Variants in PLD2 observed in about 807,000 individuals in gnomAD.
The protein encoded by PLD2 is phospholipase D2, also known as choline phosphatase 2.
PLD2 carries 101 observed loss-of-function variants against 119.8 expected under a neutral mutation model. That is an observed-to-expected ratio of 0.84 (90% confidence interval 0.72 to 0.99). The LOEUF (loss-of-function observed/expected upper bound fraction) is 0.99, where lower values mean the gene tolerates loss of function less well. Among genes scored for constraint, PLD2 ranks in the 50% least tolerant of loss-of-function variants. PLD2 has a pLI of 0.00. For synonymous variants in PLD2, 494 were observed against 482.8 expected, an observed-to-expected ratio of 1.02 and a Z score of -0.30; for missense variants, 1,164 against 1,226.8, an observed-to-expected ratio of 0.95 and a Z score of 0.76.
chr17:4,808,196 G>A lies in PLD2; in HGVS notation c.241-78G>A. 3.1e-6 allele frequency: 5 copies of A among 1,592,852 alleles called. No individual in the cohort carries two copies. Among genetic ancestry groups the A allele is most frequent in the Non-Finnish European group, 4.3e-6 (5 of 1,166,224 alleles). ...GGTGGCTGGGCTGGCCCCAGGGAAG[G>A]GGCAAAAGGAGGGCTGGCCAGAGTG... On this transcript the variant is annotated intron_variant, in intron 3 of 24. Coordinates refer to ENST00000263088, the MANE Select transcript of PLD2 (RefSeq NM_002663.5). This position sits in a 1 kb window ranked among gnomAD's most constrained non-coding sequence, Gnocchi z 4.1.
At position 4,811,030 on chromosome 17, in the gene PLD2, CT is replaced by C. The variant is rs1163616507; in HGVS notation, c.1010+83del. On this transcript the variant is annotated intron_variant, in intron 10 of 24. Coordinates refer to ENST00000263088, the MANE Select transcript of PLD2 (RefSeq NM_002663.5). ...GTAATCTCTGAGTCCTTCATCCTCT[CT>C]TTTCTCATCTGAACCCTCCTGACCT... 3 of 1,401,984 alleles carry C rather than the reference CT, an allele frequency of 2.1e-6. No homozygotes were observed. The East Asian group carries it at 7.0e-5, about 33-fold the overall frequency. 86.8% of individuals were successfully genotyped at this position (1,401,984 alleles called of 1,614,324 possible). A position where few individuals can be genotyped will look rare whatever the true frequency, so the allele number is the denominator to read the frequency against.
intron 20 of PLD2, 45 bp downstream of exon 20, chr17:4,818,652 C>T (rs759128808): frequency 2.5e-5 from 39 of 1,552,772 alleles, no homozygotes; most frequent in Non-Finnish European, 3.2e-5. Context: ...CCCATCCCAC[C>T]CGTGTCCCCC....
intron 10 of PLD2, 74 bp downstream of exon 10, chr17:4,811,025 CCT>C (rs1906409825): frequency 1.4e-6 from 2 of 1,440,794 alleles, no homozygotes; most frequent in South Asian, 1.3e-5. Context: ...AGTCCTTCAT[CCT>C]CTCTTTTCTC....
intron 24 of PLD2, among the ~76,000 whole-genome samples, chr17:4,822,273 C>T (rs1033671254): frequency 3.3e-5 from 5 of 152,050 alleles, no homozygotes; most frequent in Admixed American, 2.6e-4. Context: ...GAGCCGAGAT[C>T]ACGCCATTGC....
chr17:4,818,032 G>A lies in PLD2; in HGVS notation c.1846G>A (p.Gly616Arg), dbSNP rs1907210140. The change falls in exon 18 of 25, where the codon GGG (glycine) becomes AGG (arginine). Residue 616 changes from glycine (G) to arginine (R), a missense_variant. By Grantham distance (125) the Gly-to-Arg change is moderately radical. Transcript: ENST00000263088. ...GCGATCAGTGGACCGCTGGTCAGCA[G>A]GGACTCTGGAGAACTCCATCCTCAA... ...VLRSVDRWSAGTLENSILNAY... is the reference protein window; with the variant it reads ...VLRSVDRWSARTLENSILNAY... The A allele has an allele frequency of 1.9e-6, 3 of 1,613,962 alleles. No individual in the cohort carries two copies. The highest frequency in any genetic ancestry group is 2.5e-6 in the Non-Finnish European group (3 of 1,179,798).
chr17:4,814,149 G>A (rs12452111), intron 10 of PLD2: 8,338 of 337,946 alleles, frequency 0.025, 302 homozygotes, highest in Admixed American at 0.14. Flanking sequence ...ACTTTTTCTT[G>A]TCGATTTATT....
chr17:4,821,752 G>A lies in PLD2; in HGVS notation c.2463-41G>A, dbSNP rs1190863545. The A allele has an allele frequency of 2.1e-6, 3 of 1,407,128 alleles. No homozygotes were observed. The African/African-American group carries it at 4.2e-5, about 20-fold the overall frequency. The allele number at this position is 1,407,128 out of a possible 1,614,324, so 87.2% of individuals were successfully genotyped here. ...CTTTTCTGGTACTCAGGTTCTCTAA[G>A]GATCTTAATCTGGCCCTGCTGGGAC... On this transcript the variant is annotated intron_variant, in intron 23 of 24. Coordinates refer to ENST00000263088, the MANE Select transcript of PLD2 (RefSeq NM_002663.5).
chr17:4,809,583 C>T lies in PLD2; in HGVS notation c.614+32C>T, dbSNP rs368072154. The T allele has an allele frequency of 3.5e-5, 57 of 1,607,350 alleles. 1 individual carries two copies. The highest frequency in any genetic ancestry group is 3.3e-4 in the Middle Eastern group (2 of 6,036). On this transcript the variant is annotated intron_variant, in intron 7 of 24. Coordinates refer to ENST00000263088, the MANE Select transcript of PLD2 (RefSeq NM_002663.5). Reference sequence around the variant, plus strand: ...GTCTGGCCCCCTTCACCCAGGCATCCGTAGACATCACTCTTAATTTCTCCC... The same window carrying T: ...GTCTGGCCCCCTTCACCCAGGCATCTGTAGACATCACTCTTAATTTCTCCC...
Position 4,810,007 on chromosome 17 carries a change from G to A in PLD2, c.838G>A (p.Val280Met), listed in dbSNP as rs760662418. 1.7e-5 allele frequency: 27 copies of A among 1,613,230 alleles called. No individual in the cohort carries two copies. Among genetic ancestry groups the A allele is most frequent in the South Asian group, 5.5e-5 (5 of 91,046 alleles). Residue 280 changes from valine (V) to methionine (M), a missense_variant, in exon 9 of 25, where the codon GTG becomes ATG. Coordinates refer to ENST00000263088, the MANE Select transcript of PLD2 (RefSeq NM_002663.5). Reference protein sequence around the residue: ...GKRSTEARHGVRIDTSHRSLI... With the variant: ...GKRSTEARHGMRIDTSHRSLI... Reference sequence around the variant, plus strand: ...AAGGAGCACGGAGGCACGGCACGGCGTGCGGATCGATACCTCCCACAGGTG... The same window carrying A: ...AAGGAGCACGGAGGCACGGCACGGCATGCGGATCGATACCTCCCACAGGTG...
intron 9 of PLD2, among the ~76,000 whole-genome samples, 199 bp downstream of exon 9, chr17:4,810,228 T>G (rs1906320838): frequency 6.6e-6 from 1 of 152,190 alleles, no homozygotes; most frequent in African/African-American, 2.4e-5. Flanking sequence ...AGGGGATTAG[T>G]AGAAGCCTGG....
rs750689690 is a variant in PLD2, at chr17:4,822,633, C to G, written c.2578-7C>G. The G allele has an allele frequency of 1.3e-6, 2 of 1,597,272 alleles. No individual in the cohort carries two copies. The highest frequency in any genetic ancestry group is 3.3e-5 in the Admixed American group (2 of 59,730). On this transcript the variant is annotated splice_polypyrimidine_tract_variant and splice_region_variant and intron_variant, in intron 24 of 24. Transcript: ENST00000263088. ...AGCCTTACTGGCGTCCATGCCCCCG[C>G]CCACAGATCTTCCGCTGCCTGCCAT...
intron 23 of PLD2, among the ~76,000 whole-genome samples, chr17:4,820,829 G>C (rs9635707): frequency 6.7e-6 from 1 of 148,902 alleles, no homozygotes; most frequent in Non-Finnish European, 1.5e-5. Context: ...GCCCGCCTCC[G>C]CCTCCCAAAG....
rs764644999 is a variant in PLD2, at chr17:4,822,624, A to G, written c.2578-16A>G. The G allele has an allele frequency of 1.9e-6, 3 of 1,581,380 alleles. No homozygotes were observed. Among genetic ancestry groups the G allele is most frequent in the Non-Finnish European group, 2.6e-6 (3 of 1,156,610 alleles). On this transcript the variant is annotated splice_polypyrimidine_tract_variant and intron_variant, in intron 24 of 24. Coordinates refer to ENST00000263088, the MANE Select transcript of PLD2 (RefSeq NM_002663.5). ...GTCTCCCCAAGCCTTACTGGCGTCC[A>G]TGCCCCCGCCCACAGATCTTCCGCT...
chr17:4,817,500 A>G lies in PLD2; in HGVS notation c.1815+241A>G, dbSNP rs1217013882. 1.4e-5 allele frequency: 7 copies of G among 497,698 alleles called. No homozygotes were observed. The East Asian group carries it at 2.6e-4, about 18-fold the overall frequency. The allele number at this position is 497,698 out of a possible 1,614,324, so 30.8% of individuals were successfully genotyped here. ...ACATGGTGAAACCCCATCTCTACTA[A>G]AAATACAAAAAATTAGCCGGGCGTG... On this transcript the variant is annotated intron_variant, in intron 17 of 24. Transcript: ENST00000263088.
chr17:4,819,647 C>T lies in PLD2; in HGVS notation c.2462+65C>T, dbSNP rs1907441737. 6.8e-7 allele frequency: 1 copy of T among 1,469,044 alleles called. No homozygotes were observed. The highest frequency in any genetic ancestry group is 9.3e-7 in the Non-Finnish European group (1 of 1,076,948). The allele number at this position is 1,469,044 out of a possible 1,614,324, so 91.0% of individuals were successfully genotyped here. On this transcript the variant is annotated intron_variant, in intron 23 of 24. Transcript: ENST00000263088. This position sits in a 1 kb window ranked among gnomAD's most constrained non-coding sequence, Gnocchi z 4.2. ...GGGGGCGTCTGCCTTTTGAGCAGGA[C>T]AAGAGGTAGCACCGCATAGGTACTC...
intron 10 of PLD2, among the ~76,000 whole-genome samples, chr17:4,812,248 C>G (rs138225129): frequency 2.6e-4 from 39 of 151,448 alleles, no homozygotes; most frequent in African/African-American, 9.0e-4. Context: ...TCCCAAGTAG[C>G]TGGGATCACA....
intron 10 of PLD2, among the ~76,000 whole-genome samples, chr17:4,813,278 G>A (rs1351764068): frequency 1.3e-5 from 2 of 152,208 alleles, no homozygotes; most frequent in African/African-American, 2.4e-5. Context: ...CCAAAGGGCT[G>A]GGATTACAGG....
At chr17:4,815,205 T>C (rs1019722667) in intron 12 of PLD2, among the ~76,000 whole-genome samples, 2 of 151,954 alleles carry the variant, frequency 1.3e-5, no homozygotes, top group Non-Finnish European at 2.9e-5. Flanking sequence ...GGATGAATGA[T>C]AGACGGTACA....
chr17:4,820,689 G>A (rs1907585374), intron 23 of PLD2, among the ~76,000 whole-genome samples: 1 of 146,390 alleles, frequency 6.8e-6, no homozygotes, highest in Admixed American at 7.0e-5. Context: ...CCATTCTCCT[G>A]CCTCAGCCTC....
Sources: allele counts gnomAD v4.1 joint callset (sites outside exome capture counted in the v4.1 genomes callset), GRCh38; gene constraint gnomAD v4.1.1; non-coding constraint Gnocchi (gnomAD v3.1); transcripts MANE v1.5; gene names NCBI Gene and HGNC (gene_info 2026-07-23, HGNC 2026-07-21).